SLC24A2: variants seen among roughly 807,000 people sequenced by gnomAD.
SLC24A2 encodes the protein solute carrier family 24 member 2, also known as sodium/potassium/calcium exchanger 2.
A neutral mutation model predicts 62.0 loss-of-function variants in SLC24A2; 36 were observed. The ratio of observed to expected loss-of-function variants is 0.58; its 90% CI spans 0.44 to 0.77. The LOEUF (loss-of-function observed/expected upper bound fraction) is 0.77. Ranked by LOEUF, SLC24A2 falls within the 30% of genes least tolerant of loss-of-function variation. The pLI is 0.00. For missense variants in SLC24A2, 846 were observed against 817.9 expected (o/e 1.03, Z -0.42); for synonymous variants, 358 against 294.0 (o/e 1.22, Z -2.23).
intron 2 of SLC24A2, among the ~76,000 whole-genome samples, chr9:19,753,173 C>T (rs1241353489): frequency 6.6e-6 from 1 of 152,190 alleles, no homozygotes; most frequent in Non-Finnish European, 1.5e-5. Flanking sequence ...CAGACCACTG[C>T]TGGCTCCTCC....
At chr9:19,527,137 A>C (rs1833480436) in intron 9 of SLC24A2, among the ~76,000 whole-genome samples, 1 of 152,162 alleles carries the variant, frequency 6.6e-6, no homozygotes, top group African/African-American at 2.4e-5. Flanking sequence ...CCTTATTTCA[A>C]ATTTCTATAT....
the SLC24A2 span, among the ~76,000 whole-genome samples, chr9:20,256,313 G>A: frequency 2.0e-5 from 3 of 152,092 alleles, no homozygotes; most frequent in African/African-American, 7.2e-5. Context: ...GGTGTAGAGT[G>A]TGAGACCTCT....
At chr9:19,793,585 G>C (rs1823344879), upstream of SLC24A2, among the ~76,000 whole-genome samples, 1 of 152,194 alleles carries the variant, frequency 6.6e-6, no homozygotes, top group South Asian at 2.1e-4. Context: ...CCATGAACTA[G>C]AGTGTTTGCT....
intron 2 of SLC24A2, among the ~76,000 whole-genome samples, chr9:19,754,821 G>A (rs911589026): frequency 3.3e-5 from 5 of 151,984 alleles, no homozygotes; most frequent in African/African-American, 9.7e-5. Flanking sequence ...TCTCCTGCTC[G>A]ACAGGCAGAA....
the SLC24A2 span, among the ~76,000 whole-genome samples, chr9:20,133,191 A>T: frequency 6.6e-6 from 1 of 152,110 alleles, no homozygotes; most frequent in Non-Finnish European, 1.5e-5. Context: ...TGCTTTCCAA[A>T]AGCCAATTCC....
intron 2 of SLC24A2, among the ~76,000 whole-genome samples, chr9:19,664,598 T>G (rs1443199906): frequency 6.6e-6 from 1 of 152,250 alleles, no homozygotes; most frequent in Non-Finnish European, 1.5e-5. Context: ...CCTGTGAATA[T>G]GACCTTATTT....
intron 7 of SLC24A2, among the ~76,000 whole-genome samples, chr9:19,571,138 C>T (rs1835825599): frequency 1.3e-5 from 2 of 152,180 alleles, no homozygotes; most frequent in Non-Finnish European, 2.9e-5. Flanking sequence ...TCCCCAAGGG[C>T]AGCCAGATGT....
chr9:20,170,442 A>G, the SLC24A2 span, among the ~76,000 whole-genome samples: 4 of 152,010 alleles, frequency 2.6e-5, no homozygotes, highest in African/African-American at 9.7e-5. Flanking sequence ...CAGACGCACA[A>G]TCTGAGCTGA....
chr9:19,556,630 C>A (rs1222964436), intron 7 of SLC24A2, among the ~76,000 whole-genome samples: 1 of 152,160 alleles, frequency 6.6e-6, no homozygotes, highest in Non-Finnish European at 1.5e-5. Context: ...GAAGTTCTTA[C>A]ATCTCTCCCC....
At chr9:20,108,787 A>G in the SLC24A2 span, among the ~76,000 whole-genome samples, 1 of 152,180 alleles carries the variant, frequency 6.6e-6, no homozygotes, top group South Asian at 2.1e-4. Flanking sequence ...AGCATGGCAC[A>G]AGTATACATA....
intron 2 of SLC24A2, among the ~76,000 whole-genome samples, chr9:19,625,191 C>G (rs1437376725): frequency 6.6e-6 from 1 of 152,004 alleles, no homozygotes; most frequent in East Asian, 1.9e-4. Context: ...CTTTTTAACC[C>G]CCTTAATTTT....
intron 5 of SLC24A2, among the ~76,000 whole-genome samples, chr9:19,589,704 T>A (rs1190450768): frequency 6.6e-6 from 1 of 152,162 alleles, no homozygotes; most frequent in Admixed American, 6.5e-5. Flanking sequence ...GATCAAATAA[T>A]ATACAAGCCT....
At chr9:19,989,691 C>A in the SLC24A2 span, among the ~76,000 whole-genome samples, 1 of 152,124 alleles carries the variant, frequency 6.6e-6, no homozygotes, top group Non-Finnish European at 1.5e-5. Context: ...TCTCTCCCTT[C>A]TCTTGCAAAG....
At chr9:19,871,160 G>T in the SLC24A2 span, among the ~76,000 whole-genome samples, 9 of 152,030 alleles carry the variant, frequency 5.9e-5, no homozygotes, top group African/African-American at 1.7e-4. Flanking sequence ...TTGGTTGGGA[G>T]TTCTTTTCTC....
chr9:19,717,982 T>TTC (rs1358532643), intron 2 of SLC24A2, among the ~76,000 whole-genome samples: 35 of 151,566 alleles, frequency 2.3e-4, no homozygotes, highest in Non-Finnish European at 4.6e-4. Flanking sequence ...AACTTTTTTT[T>TTC]TTTTTTTTTT....
intron 7 of SLC24A2, among the ~76,000 whole-genome samples, chr9:19,563,766 CTGTAACAAAA>C (rs1454377130): frequency 0.26 from 12,251 of 46,974 alleles, 3,257 homozygotes; most frequent in East Asian, 0.62. Flanking sequence ...TTCCTTTCAT[CTGTAACAAAA>C]CTGTTGGTTT....
At chr9:19,817,193 C>T in the SLC24A2 span, among the ~76,000 whole-genome samples, 1 of 152,022 alleles carries the variant, frequency 6.6e-6, no homozygotes, top group South Asian at 2.1e-4. Flanking sequence ...ACTCTTAAAT[C>T]TCTGCTTCAG....
chr9:20,182,753 G>A, the SLC24A2 span, among the ~76,000 whole-genome samples: 1 of 152,162 alleles, frequency 6.6e-6, no homozygotes, highest in Admixed American at 6.5e-5. Flanking sequence ...TACACGTTGT[G>A]CACATGTACC....
At chr9:19,935,862 C>A in the SLC24A2 span, among the ~76,000 whole-genome samples, 1 of 152,148 alleles carries the variant, frequency 6.6e-6, no homozygotes, top group African/African-American at 2.4e-5. Context: ...CAATCCATTA[C>A]CCTGAGCCCT....
Sources: allele counts gnomAD v4.1 joint callset (sites outside exome capture counted in the v4.1 genomes callset), GRCh38; gene constraint gnomAD v4.1.1; transcripts MANE v1.5; gene names NCBI Gene and HGNC (gene_info 2026-07-23, HGNC 2026-07-21).